DDX52: variants seen among roughly 807,000 people sequenced by gnomAD.
The protein encoded by DDX52 is probable ATP-dependent RNA helicase DDX52.
DDX52 carries 59 observed loss-of-function variants against 76.1 expected under a neutral mutation model. That is an observed-to-expected ratio of 0.78 (90% confidence interval 0.63 to 0.96). The LOEUF (loss-of-function observed/expected upper bound fraction) is 0.96, where lower values mean the gene tolerates loss of function less well. DDX52 is among the 40% of genes least tolerant of loss of function. The pLI is 0.00. For missense variants in DDX52, 707 were observed against 703.9 expected, an observed-to-expected ratio of 1.00 and a Z score of -0.05; for synonymous variants, 231 against 244.1, an observed-to-expected ratio of 0.95 and a Z score of 0.50.
chr17:37,639,106 A>G (rs980673103), intron 2 of DDX52, among the ~76,000 whole-genome samples: 3 of 152,174 alleles, frequency 2.0e-5, no homozygotes, highest in Non-Finnish European at 2.9e-5. Context: ...GCAGAAGGCC[A>G]AAAAGTAAAT....
intron 2 of DDX52, among the ~76,000 whole-genome samples, chr17:37,637,029 A>T (rs1201609904): frequency 2.0e-5 from 3 of 152,208 alleles, no homozygotes; most frequent in Non-Finnish European, 4.4e-5. Flanking sequence ...TACAGGCATG[A>T]TCACAGCTCA....
At position 37,634,987 on chromosome 17, in the gene DDX52, G is replaced by A. The variant is rs185514781; in HGVS notation, c.287-1569C>T. Among the ~76,000 whole-genome samples the A allele has an allele frequency of 7.7e-4, 117 of 151,950 alleles. 1 individual carries two copies. In the East Asian group the frequency reaches 0.022, roughly 28 times the overall value. ...AGCTAATTTTTGTATTTTTAGTAGA[G>A]ACGGGGTTTCACCACGTTGGCCAGG... On this transcript the variant is annotated intron_variant, in intron 2 of 14. Transcript: ENST00000617633.
At chr17:37,616,983 T>C (rs1470957767) in intron 14 of DDX52, among the ~76,000 whole-genome samples, 1 of 152,252 alleles carries the variant, frequency 6.6e-6, no homozygotes, top group Non-Finnish European at 1.5e-5. Context: ...TCCTTAAAGA[T>C]AGTTCTACTT....
chr17:37,637,818 C>T (rs1437484025), intron 2 of DDX52, among the ~76,000 whole-genome samples: 2 of 152,172 alleles, frequency 1.3e-5, no homozygotes. Flanking sequence ...AGGTGATCCA[C>T]CCACCTCGGC....
At chr17:37,629,123 A>G (rs2030542395) in intron 5 of DDX52, among the ~76,000 whole-genome samples, 1 of 151,920 alleles carries the variant, frequency 6.6e-6, no homozygotes, top group Admixed American at 6.6e-5. Flanking sequence ...TGGGAGGCTG[A>G]GGCAGGAGAA....
Position 37,642,204 on chromosome 17 carries a change from T to C in DDX52, c.192A>G (p.Thr64=). The change falls in exon 2 of 15, where the codon ACA becomes ACG. Residue 64 remains threonine, a synonymous_variant. Transcript: ENST00000617633. ...SVPGVCGASQ[T]HQKPQNGEKK... The stretch of plus-strand genomic sequence containing the variant: ...TCTCTCCATTTTGGGGCTTCTGATG[T>C]GTTTGTGATGCTCCACACACACCTG... 2 of 1,614,204 alleles carry C rather than the reference T, an allele frequency of 1.2e-6. No individual in the cohort carries two copies. The highest frequency in any genetic ancestry group is 8.5e-7 in the Non-Finnish European group (1 of 1,180,040).
At chr17:37,641,109 A>C (rs1350807952) in intron 2 of DDX52, among the ~76,000 whole-genome samples, 1 of 152,112 alleles carries the variant, frequency 6.6e-6, no homozygotes, top group Non-Finnish European at 1.5e-5. Flanking sequence ...ATGCTTGACC[A>C]GCCAGGTGTG....
intron 14 of DDX52, among the ~76,000 whole-genome samples, chr17:37,617,881 T>C (rs1364781342): frequency 6.6e-6 from 1 of 152,208 alleles, no homozygotes; most frequent in Non-Finnish European, 1.5e-5. Context: ...TCCCAGCACT[T>C]TGGAAGGCTA....
intron 3 of DDX52, among the ~76,000 whole-genome samples, chr17:37,632,634 A>G (rs1204914832): frequency 6.6e-6 from 1 of 152,158 alleles, no homozygotes; most frequent in Admixed American, 6.5e-5. Flanking sequence ...TTGATGATTT[A>G]CCCTAAAACT....
chr17:37,619,934 T>G lies in DDX52; in HGVS notation c.1578-95A>C, dbSNP rs1038445221. 2.6e-6 allele frequency: 3 copies of G among 1,169,832 alleles called. No individual in the cohort carries two copies. In the Admixed American group the frequency reaches 6.5e-5, roughly 25 times the overall value. 72.5% of individuals were successfully genotyped at this position (1,169,832 alleles called of 1,614,324 possible). On this transcript the variant is annotated intron_variant, in intron 12 of 14. Transcript: ENST00000617633. Reference sequence around the variant, plus strand: ...GCACAACCTTACAGGGAACTAAAACTACACAAAGTAATCCACAAAGTGTTC... The same window carrying G: ...GCACAACCTTACAGGGAACTAAAACGACACAAAGTAATCCACAAAGTGTTC...
Position 37,626,686 on chromosome 17 carries a change from CA to C in DDX52, c.932+101del, listed in dbSNP as rs2147349768. The C allele has an allele frequency of 2.5e-6, 3 of 1,186,704 alleles. No homozygotes were observed. In the East Asian group the frequency reaches 7.3e-5, roughly 29 times the overall value. The allele number at this position is 1,186,704 out of a possible 1,614,324, so 73.5% of individuals were successfully genotyped here. Reference sequence around the variant, plus strand: ...CAGTGCCAACACTGACTGAAGGTGGCAAACAGCAAGCTCCAAAGACAAAAAA... The same window carrying C: ...CAGTGCCAACACTGACTGAAGGTGGCAACAGCAAGCTCCAAAGACAAAAAA... On this transcript the variant is annotated intron_variant, in intron 7 of 14. Transcript: ENST00000617633.
Position 37,612,786 on chromosome 17 carries a change from A to C in DDX52, c.*1510T>G. 1 of 152,212 alleles carries C rather than the reference A, an allele frequency of 6.6e-6. No homozygotes were observed. Among genetic ancestry groups the C allele is most frequent in the East Asian group, 1.9e-4 (1 of 5,208 alleles). The allele number at this position is 152,212 out of a possible 1,614,324, so 9.4% of individuals were successfully genotyped here. On this transcript the variant is annotated 3_prime_UTR_variant, in exon 15 of 15. Transcript: ENST00000617633. ...ATCAGGTACAGTGCTAGGTACTCAC[A>C]ATTGGAGACATAATTTTATAGATGA... is the stretch of plus-strand genomic sequence containing the variant.
Position 37,612,844 on chromosome 17 carries a change from C to T in DDX52, c.*1452G>A, listed in dbSNP as rs762816505. The T allele has an allele frequency of 2.0e-5, 3 of 152,138 alleles. No homozygotes were observed. Among genetic ancestry groups the T allele is most frequent in the Admixed American group, 2.0e-4 (3 of 15,266 alleles). The allele number at this position is 152,138 out of a possible 1,614,324, so 9.4% of individuals were successfully genotyped here. A position where few individuals can be genotyped will look rare whatever the true frequency, so the allele number is the denominator to read the frequency against. On this transcript the variant is annotated 3_prime_UTR_variant, in exon 15 of 15. Transcript: ENST00000617633. ...GAAACTCTGAGAAATTAAGAACTTA[C>T]TCAAAGTCACACAGCTGGCAAATGG...
intron 4 of DDX52, among the ~76,000 whole-genome samples, chr17:37,630,522 T>C (rs2030625804): frequency 6.6e-6 from 1 of 152,174 alleles, no homozygotes; most frequent in South Asian, 2.1e-4. Context: ...CTGGTATCTG[T>C]ATTGTTCAAT....
rs542077465 is a variant in DDX52, at chr17:37,627,226, A to G, written c.860-366T>C. On this transcript the variant is annotated intron_variant, in intron 6 of 14. Coordinates refer to ENST00000617633, the MANE Select transcript of DDX52 (RefSeq NM_007010.5). ...TATTTATTACTATTATTTTTTTGAG[A>G]CAGTCTAGCTCTGTCGCCCAGGCTG... Among the ~76,000 whole-genome samples, 5 of 152,042 alleles carry G rather than the reference A, an allele frequency of 3.3e-5. No homozygotes were observed. In the South Asian group the frequency reaches 1.0e-3, roughly 32 times the overall value.
chr17:37,630,303 A>T, intron 4 of DDX52, 130 bp from the exon 5 acceptor site: 2 of 1,037,760 alleles, frequency 1.9e-6, no homozygotes, highest in Non-Finnish European at 2.7e-6. Context: ...CTTTCAAGTC[A>T]TATCTGCTTT....
chr17:37,626,739 T>C (rs762189186), intron 7 of DDX52, 49 bp downstream of exon 7: 1 of 1,557,918 alleles, frequency 6.4e-7, no homozygotes, highest in Non-Finnish European at 8.8e-7. Flanking sequence ...CAAAATATAA[T>C]TAACTAAATT....
At chr17:37,642,976 G>A (rs909109792) in intron 1 of DDX52, 1 of 191,876 alleles carries the variant, frequency 5.2e-6, no homozygotes, top group Non-Finnish European at 1.1e-5. Context: ...TATAGTAAGA[G>A]AATCTGTTTT....
chr17:37,642,445 T>C, intron 1 of DDX52, 137 bp from the exon 2 acceptor site: 2 of 987,142 alleles, frequency 2.0e-6, no homozygotes, highest in Non-Finnish European at 3.0e-6. Flanking sequence ...TCTGGACAAA[T>C]GGAATCTGAA....
Sources: allele counts gnomAD v4.1 joint callset (sites outside exome capture counted in the v4.1 genomes callset), GRCh38; gene constraint gnomAD v4.1.1; transcripts MANE v1.5; gene names NCBI Gene and HGNC (gene_info 2026-07-23, HGNC 2026-07-21).